Variants in PRR5 observed in about 807,000 individuals in gnomAD.
PRR5 encodes the protein proline rich 5.
In PRR5, 25 loss-of-function variants were observed where a neutral mutation model predicts 30.6. The ratio of observed to expected loss-of-function variants is 0.82; its 90% CI spans 0.60 to 1.14. PRR5 has a LOEUF of 1.14. Ranked by LOEUF, PRR5 falls within the 50% of genes most tolerant of loss-of-function variation. The pLI is 0.00. For synonymous variants in PRR5, 286 were observed against 247.1 expected (o/e 1.16, Z -1.48); for missense variants, 600 against 547.1 (o/e 1.10, Z -0.96).
chr22:44,697,153 C>T (rs931493308), intron 1 of PRR5, among the ~76,000 whole-genome samples: 1 of 152,180 alleles, frequency 6.6e-6, no homozygotes, highest in Non-Finnish European at 1.5e-5. Flanking sequence ...TCAGTTTCCC[C>T]AGTCGTGAAA....
In PRR5 at chr22:44,687,810, C is replaced by T. The variant is rs1156775481; in HGVS notation, c.-11+10570C>T. Among the ~76,000 whole-genome samples, 5 of 151,994 alleles carry T rather than the reference C, an allele frequency of 3.3e-5. No homozygotes were observed. In the East Asian group the frequency reaches 7.8e-4, roughly 24 times the overall value. On this transcript the variant is annotated intron_variant, in intron 1 of 8. Coordinates refer to the PRR5 transcript ENST00000006251. Reference sequence around the variant, plus strand: ...TTTGTTTTGAGATGGAGTCTCACTCCGTCGCCCAGGCTGGAGTGCATTGGC... The same window carrying T: ...TTTGTTTTGAGATGGAGTCTCACTCTGTCGCCCAGGCTGGAGTGCATTGGC...
At chr22:44,720,648 CA>C (rs765130696) in intron 2 of PRR5, among the ~76,000 whole-genome samples, 3 of 152,210 alleles carry the variant, frequency 2.0e-5, no homozygotes, top group African/African-American at 4.8e-5. Context: ...CATTCCTGGC[CA>C]GGGGCAGTGG....
chr22:44,688,023 C>A (rs566805846), intron 1 of PRR5, among the ~76,000 whole-genome samples: 1 of 151,764 alleles, frequency 6.6e-6, no homozygotes, highest in East Asian at 2.0e-4. Flanking sequence ...GATCTGCCCG[C>A]CCTGGCCTCC....
chr22:44,703,107 G>A lies in PRR5; in HGVS notation c.134+499G>A, dbSNP rs80111976. Reference sequence around the variant, plus strand: ...TGTCCTCCAGCTGTCAGCAGGGGGTGCGGCAGCTGCGAGGCATTCTTTAGA... The same window carrying A: ...TGTCCTCCAGCTGTCAGCAGGGGGTACGGCAGCTGCGAGGCATTCTTTAGA... On this transcript the variant is annotated intron_variant, in intron 1 of 7. Transcript: ENST00000336985. Among the ~76,000 whole-genome samples the A allele has an allele frequency of 6.7e-3, 1,025 of 152,290 alleles. 13 individuals are homozygous for A. The highest frequency in any genetic ancestry group is 0.023 in the African/African-American group (971 of 41,560).
Position 44,702,232 on chromosome 22 carries a change from G to A in PRR5, c.-243G>A, listed in dbSNP as rs1173784945. 2.7e-6 allele frequency: 3 copies of A among 1,116,772 alleles called. No homozygotes were observed. In the Admixed American group the frequency reaches 1.5e-4, roughly 56 times the overall value. 69.2% of individuals were successfully genotyped at this position (1,116,772 alleles called of 1,614,324 possible). A position where few individuals can be genotyped will look rare whatever the true frequency, so the allele number is the denominator to read the frequency against. ...CTCCGTTTGCGCCGGGTCTGTGCTG[G>A]CCGCGCGCCTGGCGCTCCACGCTGA... On this transcript the variant is annotated 5_prime_UTR_variant, in exon 1 of 8. Transcript: ENST00000336985.
chr22:44,698,772 G>A (rs1187940662), upstream of PRR5, among the ~76,000 whole-genome samples: 2 of 152,218 alleles, frequency 1.3e-5, no homozygotes, highest in Admixed American at 6.5e-5. Flanking sequence ...GATGTTGGCC[G>A]CACGCAGTTT....
At chr22:44,697,790 C>T (rs1039732425), upstream of PRR5, among the ~76,000 whole-genome samples, 1 of 152,226 alleles carries the variant, frequency 6.6e-6, no homozygotes. Flanking sequence ...CCTCGGCCTC[C>T]CTGGGCCTCT....
intron 1 of PRR5, among the ~76,000 whole-genome samples, chr22:44,711,235 C>T (rs1315970580): frequency 9.9e-5 from 15 of 152,136 alleles, no homozygotes; most frequent in Non-Finnish European, 1.5e-5. Flanking sequence ...GGAGGTCTAA[C>T]CGTAAGCCAA....
intron 2 of PRR5, among the ~76,000 whole-genome samples, chr22:44,721,817 C>T (rs1024035938): frequency 1.6e-4 from 25 of 152,248 alleles, no homozygotes; most frequent in Non-Finnish European, 1.5e-4. Flanking sequence ...GGGGCCTGCC[C>T]TCCAGCCCTG....
intron 1 of PRR5, among the ~76,000 whole-genome samples, chr22:44,692,741 G>A (rs1340802260): frequency 6.6e-6 from 1 of 152,234 alleles, no homozygotes; most frequent in Non-Finnish European, 1.5e-5. Context: ...TGCAGCCCGG[G>A]AGTCCGTCCC....
intron 4 of PRR5, among the ~76,000 whole-genome samples, chr22:44,728,660 C>T (rs984593277): frequency 7.9e-5 from 12 of 152,240 alleles, no homozygotes; most frequent in Non-Finnish European, 1.6e-4. Context: ...ATAGCCACCT[C>T]CACATCCTGA....
chr22:44,724,821 A>G (rs918948999), intron 2 of PRR5, among the ~76,000 whole-genome samples: 3 of 152,212 alleles, frequency 2.0e-5, no homozygotes, highest in Non-Finnish European at 2.9e-5. Context: ...AATAAAGAGT[A>G]AACACTTGGG....
chr22:44,690,610 TCAAG>T (rs1282737277), intron 1 of PRR5, among the ~76,000 whole-genome samples: 1 of 152,110 alleles, frequency 6.6e-6, no homozygotes, highest in Non-Finnish European at 1.5e-5. Flanking sequence ...TGAGGCACAG[TCAAG>T]CAGAGGGAAT....
intron 4 of PRR5, among the ~76,000 whole-genome samples, chr22:44,728,824 G>C (rs2147148895): frequency 6.6e-6 from 1 of 152,318 alleles, no homozygotes; most frequent in Middle Eastern, 3.4e-3. Flanking sequence ...CCAGGACCTT[G>C]CCCCCTGCCC....
In PRR5 at chr22:44,710,930, C is replaced by T. The variant is rs115307667; in HGVS notation, c.135-3661C>T. Among the ~76,000 whole-genome samples the T allele has an allele frequency of 4.2e-3, 638 of 152,236 alleles. 3 individuals carry two copies. Among genetic ancestry groups the T allele is most frequent in the African/African-American group, 0.014 (584 of 41,532 alleles). On this transcript the variant is annotated intron_variant, in intron 1 of 7. Transcript: ENST00000336985. ...CGTGCTGACCTTACAGCACCCCGGG[C>T]GGTCGGCACTGTACTGAGAAGTCCA...
chr22:44,701,321 G>A (rs995274256), upstream of PRR5, among the ~76,000 whole-genome samples: 3 of 152,220 alleles, frequency 2.0e-5, no homozygotes, highest in Non-Finnish European at 2.9e-5. Context: ...GACGCTCCCT[G>A]TGGTGAAGCC....
At chr22:44,703,077 C>A (rs1159869820) in intron 1 of PRR5, among the ~76,000 whole-genome samples, 1 of 152,176 alleles carries the variant, frequency 6.6e-6, no homozygotes, top group African/African-American at 2.4e-5. Flanking sequence ...CCTTGAGAGG[C>A]CCCCTGTCCT....
Position 44,737,369 on chromosome 22 carries a change from C to T in PRR5, c.*122C>T. The T allele has an allele frequency of 7.0e-7, 1 of 1,425,486 alleles. No homozygotes were observed. The highest frequency in any genetic ancestry group is 2.5e-5 in the East Asian group (1 of 40,102). 88.3% of individuals were successfully genotyped at this position (1,425,486 alleles called of 1,614,324 possible). On this transcript the variant is annotated 3_prime_UTR_variant, in exon 8 of 8. Transcript: ENST00000336985. ...GTCCCGCCAGCCCTATCGGCCTCGT[C>T]ACTGGCCTTGGTCACTTTGTATTTC...
chr22:44,732,433 G>A (rs1457752457), intron 6 of PRR5, 42 bp downstream of exon 6: 2 of 1,581,100 alleles, frequency 1.3e-6, no homozygotes, highest in Non-Finnish European at 1.7e-6. Context: ...GGACCGTGGG[G>A]CAGTAATTGG....
Sources: gnomAD v4.1 joint callset for allele counts (sites outside exome capture counted in the v4.1 genomes callset) on GRCh38, gnomAD v4.1.1 for gene constraint, MANE v1.5 for transcripts, NCBI Gene and HGNC (gene_info 2026-07-23, HGNC 2026-07-21) for gene names.